The following TTLL11 variants were observed in gnomAD, a reference collection of about 807,000 sequenced individuals.
TTLL11 encodes the protein tubulin polyglutamylase TTLL11.
Under a neutral mutation model 51.7 loss-of-function variants are expected in TTLL11, and 42 were observed. The observed-to-expected ratio is 0.81, with a 90% CI of 0.64 to 1.05. The LOEUF is 1.05. TTLL11 is among the 50% of genes least tolerant of loss of function. The pLI is 0.00. For synonymous variants in TTLL11, 381 were observed against 383.5 expected (o/e 0.99, Z 0.08); for missense variants, 799 against 940.4 (o/e 0.85, Z 1.97).
Position 121,989,855 on chromosome 9 carries a change from G to A in TTLL11, c.694-85C>T. 7 of 1,512,506 alleles carry A rather than the reference G, an allele frequency of 4.6e-6. No individual in the cohort carries two copies. Among genetic ancestry groups the A allele is most frequent in the Non-Finnish European group, 6.1e-6 (7 of 1,138,714 alleles). 93.7% of individuals were successfully genotyped at this position (1,512,506 alleles called of 1,614,324 possible). ...AGAGCAAGGCCTTAGCAAATGTGTG[G>A]TGAATGAGTGACAAGATGATCCCTG... is the stretch of plus-strand genomic sequence containing the variant. On this transcript the variant is annotated intron_variant, in intron 3 of 8. Transcript: ENST00000321582. This position sits in a 1 kb window ranked among gnomAD's most constrained non-coding sequence, Gnocchi z 4.2.
intron 6 of TTLL11, among the ~76,000 whole-genome samples, chr9:121,888,604 C>A (rs1839103740): frequency 6.6e-6 from 1 of 152,156 alleles, no homozygotes; most frequent in Non-Finnish European, 1.5e-5. Flanking sequence ...GAATCAGTCC[C>A]CTTTGTAAAA....
chr9:121,937,522 G>A (rs899377673), intron 6 of TTLL11, among the ~76,000 whole-genome samples: 10 of 152,176 alleles, frequency 6.6e-5, no homozygotes, highest in Admixed American at 2.6e-4. Flanking sequence ...AGCACTAATC[G>A]TATTCACCAA....
chr9:121,836,333 T>C (rs1352286488), intron 8 of TTLL11, among the ~76,000 whole-genome samples: 3 of 152,148 alleles, frequency 2.0e-5, no homozygotes, highest in Non-Finnish European at 4.4e-5. Flanking sequence ...CGCTGTGGCT[T>C]TCTGTAGTTG....
chr9:121,886,683 G>T (rs539601428), intron 6 of TTLL11, among the ~76,000 whole-genome samples: 1 of 152,334 alleles, frequency 6.6e-6, no homozygotes, highest in South Asian at 2.1e-4. Flanking sequence ...ACTGATGTAA[G>T]AGTCCAGTGT....
intron 8 of TTLL11, among the ~76,000 whole-genome samples, chr9:121,852,520 A>G (rs1003432373): frequency 3.9e-5 from 6 of 152,030 alleles, no homozygotes; most frequent in African/African-American, 1.5e-4. Context: ...GCCTACATCA[A>G]AAAGAATTCA....
At chr9:122,040,278 T>G (rs1844814481) in intron 1 of TTLL11, 1 of 889,898 alleles carries the variant, frequency 1.1e-6, no homozygotes, top group Admixed American at 6.2e-5. Flanking sequence ...GCCTGTAAGA[T>G]AGCCTTGTAT....
At chr9:121,925,251 T>G (rs1840685133) in intron 6 of TTLL11, among the ~76,000 whole-genome samples, 1 of 152,156 alleles carries the variant, frequency 6.6e-6, no homozygotes, top group African/African-American at 2.4e-5. Flanking sequence ...AAAGTAGAAA[T>G]AAGAACCCAG....
chr9:121,829,535 A>T (rs945721762), intron 8 of TTLL11, among the ~76,000 whole-genome samples: 5 of 152,136 alleles, frequency 3.3e-5, no homozygotes, highest in African/African-American at 1.2e-4. Flanking sequence ...AGGAAAAAAC[A>T]AAAAATAAAT....
intron 7 of TTLL11, 123 bp downstream of exon 7, chr9:121,870,374 A>C: frequency 2.3e-6 from 3 of 1,288,406 alleles, no homozygotes; most frequent in Non-Finnish European, 3.1e-6. Flanking sequence ...TCCAAGCTCA[A>C]ATGGGGTACT....
chr9:121,936,763 T>C (rs1564314683), intron 6 of TTLL11, among the ~76,000 whole-genome samples: 1 of 152,246 alleles, frequency 6.6e-6, no homozygotes, highest in Non-Finnish European at 1.5e-5. Flanking sequence ...CCTTCCCATA[T>C]ATTATATGCA....
chr9:121,937,606 A>G (rs1189042230), intron 6 of TTLL11, among the ~76,000 whole-genome samples: 1 of 142,656 alleles, frequency 7.0e-6, no homozygotes, highest in East Asian at 2.1e-4. Flanking sequence ...GTAGCTGCTT[A>G]ATAAATGTTT....
Position 121,816,649 on chromosome 9 carries a change from CGTGTGTGT to C in TTLL11, c.*5930_*5937del, listed in dbSNP as rs1232491113. On this transcript the variant is annotated 3_prime_UTR_variant, in exon 9 of 9. Coordinates refer to ENST00000321582, the MANE Select transcript of TTLL11 (RefSeq NM_001139442.2). Reference sequence around the variant, plus strand: ...CATGTGTGGTGTGTGCGCGCACATGCGTGTGTGTGCATGTGTGCGTGTGTGCATGCGTG... The same window carrying C: ...CATGTGTGGTGTGTGCGCGCACATGCGCATGTGTGCGTGTGTGCATGCGTG... The C allele has an allele frequency of 1.5e-5, 2 of 129,634 alleles. No homozygotes were observed. The highest frequency in any genetic ancestry group is 7.7e-5 in the African/African-American group (2 of 26,102). The allele number at this position is 129,634 out of a possible 1,614,324, so 8.0% of individuals were successfully genotyped here.
intron 6 of TTLL11, among the ~76,000 whole-genome samples, chr9:121,943,549 T>G (rs1004229343): frequency 6.6e-6 from 1 of 152,220 alleles, no homozygotes; most frequent in Non-Finnish European, 1.5e-5. Context: ...AATGACAAAC[T>G]GCTACATTTC....
chr9:122,033,980 C>T (rs536889986), intron 2 of TTLL11, among the ~76,000 whole-genome samples: 4 of 152,290 alleles, frequency 2.6e-5, no homozygotes, highest in African/African-American at 9.6e-5. Context: ...TAGAGCTGAC[C>T]GCAAAGTAAA....
chr9:121,841,748 T>C (rs142434231), intron 8 of TTLL11, among the ~76,000 whole-genome samples: 49 of 152,136 alleles, frequency 3.2e-4, no homozygotes, highest in East Asian at 1.7e-3. Context: ...CCATTGTTTG[T>C]TGTGGGGGTC....
At chr9:122,042,070 T>C (rs1264130830) in intron 1 of TTLL11, among the ~76,000 whole-genome samples, 2 of 151,342 alleles carry the variant, frequency 1.3e-5, no homozygotes, top group Admixed American at 1.3e-4. Context: ...AGTGCAGTGG[T>C]ACAATCTCAG....
rs67882979 is a variant in TTLL11 at position 121,952,444 on chromosome 9, C to CAAA, written c.1481+21562_1481+21564dup. On this transcript the variant is annotated intron_variant, in intron 6 of 8. Transcript: ENST00000321582. The stretch of plus-strand genomic sequence containing the variant: ...CTGGTGACAGAGCAAGACTCCGCCT[C>CAAA]AAAAAAAAAAAAAAAAAAACTGGAG... 3.5e-3 allele frequency among the ~76,000 whole-genome samples: 424 copies of CAAA among 121,866 alleles called. 1 individual carries two copies. The highest frequency in any genetic ancestry group is 4.4e-3 in the Middle Eastern group (1 of 226). 79.9% of individuals were successfully genotyped at this position (121,866 alleles called of 152,430 possible). A position where few individuals can be genotyped will look rare whatever the true frequency, so the allele number is the denominator to read the frequency against.
intron 6 of TTLL11, among the ~76,000 whole-genome samples, chr9:121,936,275 T>C (rs1841216688): frequency 6.6e-6 from 1 of 151,868 alleles, no homozygotes; most frequent in Admixed American, 6.6e-5. Context: ...CTTTTTTTTT[T>C]TTATTGGAGA....
At chr9:121,826,527 ATGTGTGTG>A (rs1201618732) in intron 8 of TTLL11, among the ~76,000 whole-genome samples, 3,027 of 47,778 alleles carry the variant, frequency 0.063, 210 homozygotes, top group African/African-American at 0.18. Context: ...ATATATATAT[ATGTGTGTG>A]TGTATATATA....
Sources: allele counts gnomAD v4.1 joint callset (sites outside exome capture counted in the v4.1 genomes callset), GRCh38; gene constraint gnomAD v4.1.1; non-coding constraint Gnocchi (gnomAD v3.1); transcripts MANE v1.5; gene names NCBI Gene and HGNC (gene_info 2026-07-23, HGNC 2026-07-21).